KAZN: variants seen among roughly 807,000 people sequenced by gnomAD.
KAZN encodes kazrin.
A neutral mutation model predicts 87.4 loss-of-function variants in KAZN; 40 were observed. The observed-to-expected ratio is 0.46, with a 90% confidence interval of 0.36 to 0.60. KAZN has a LOEUF of 0.60. Ranked by LOEUF, KAZN falls within the 20% of genes least tolerant of loss-of-function variation. KAZN has a pLI of 0.00. For missense variants in KAZN, 898 were observed against 1,073.9 expected, an observed-to-expected ratio of 0.84 and a Z score of 2.29; for synonymous variants, 466 against 458.3, an observed-to-expected ratio of 1.02 and a Z score of -0.22.
chr1:13,955,481 G>A (rs940057835), intron 1 of KAZN, among the ~76,000 whole-genome samples: 1 of 151,516 alleles, frequency 6.6e-6, no homozygotes, highest in Non-Finnish European at 1.5e-5. Flanking sequence ...TGGTCTTTTG[G>A]GATTGTGATT....
At chr1:14,177,875 TGA>T (rs1646118251) in intron 1 of KAZN, among the ~76,000 whole-genome samples, 1 of 152,036 alleles carries the variant, frequency 6.6e-6, no homozygotes, top group African/African-American at 2.4e-5. Flanking sequence ...TACAGTTTAT[TGA>T]GATTCTTATA....
chr1:13,922,185 A>C (rs1640093681), intron 1 of KAZN, among the ~76,000 whole-genome samples: 1 of 152,144 alleles, frequency 6.6e-6, no homozygotes, highest in Non-Finnish European at 1.5e-5. Flanking sequence ...GGGAAAATCC[A>C]TGGCACCAAG....
rs1453764992 is a variant in KAZN, at chr1:14,257,800, G to A, written c.249+77208G>A. Among the ~76,000 whole-genome samples the A allele has an allele frequency of 3.0e-5, 3 of 98,938 alleles. 1 individual carries two copies. The highest frequency in any genetic ancestry group is 1.2e-4 in the African/African-American group (3 of 25,016). 64.9% of individuals were successfully genotyped at this position (98,938 alleles called of 152,430 possible). ...ACACTCTGGGGACTGTGGTGGGGTC[G>A]GGGGAGGGGGGAGGGATAGCATTGG... On this transcript the variant is annotated intron_variant, in intron 2 of 16. Coordinates refer to the KAZN transcript ENST00000636203.
chr1:14,623,075 A>C (rs1315342215), intron 1 of KAZN, among the ~76,000 whole-genome samples: 1 of 152,374 alleles, frequency 6.6e-6, no homozygotes, highest in East Asian at 1.9e-4. Context: ...ATCGTAAAAC[A>C]GAATGACCAC....
chr1:13,997,173 T>C lies in KAZN; in HGVS notation c.91+103417T>C, dbSNP rs77649701. On this transcript the variant is annotated intron_variant, in intron 1 of 16. Coordinates refer to the KAZN transcript ENST00000636203. ...ACAAACAGCAAAAACAACACCATCA[T>C]CAACAACAACAACAACAACAACCCC... Among the ~76,000 whole-genome samples, 1,220 of 151,364 alleles carry C rather than the reference T, an allele frequency of 8.1e-3. 82 individuals are homozygous for C. In the East Asian group the frequency reaches 0.14, roughly 18 times the overall value.
At chr1:14,441,031 A>G (rs1191813239) in intron 2 of KAZN, among the ~76,000 whole-genome samples, 1 of 152,150 alleles carries the variant, frequency 6.6e-6, no homozygotes, top group East Asian at 1.9e-4. Flanking sequence ...TTAGGATGTC[A>G]TGGCCTGTTT....
intron 2 of KAZN, among the ~76,000 whole-genome samples, chr1:15,030,022 A>C (rs1268392446): frequency 6.6e-6 from 1 of 152,090 alleles, no homozygotes; most frequent in East Asian, 1.9e-4. Context: ...ACCAGCCTGA[A>C]ACTGAGTCAG....
At chr1:14,739,555 A>G (rs1306336055) in intron 1 of KAZN, among the ~76,000 whole-genome samples, 1 of 152,102 alleles carries the variant, frequency 6.6e-6, no homozygotes, top group Non-Finnish European at 1.5e-5. Flanking sequence ...GGGAAATTCT[A>G]AGGAACCATT....
intron 2 of KAZN, among the ~76,000 whole-genome samples, chr1:14,196,365 G>T (rs1646526224): frequency 6.6e-6 from 1 of 152,178 alleles, no homozygotes; most frequent in Non-Finnish European, 1.5e-5. Context: ...GAAACTAGGT[G>T]ACCTATTAGG....
chr1:14,869,076 A>G (rs1350217825), intron 1 of KAZN, among the ~76,000 whole-genome samples: 2 of 152,046 alleles, frequency 1.3e-5, no homozygotes, highest in Non-Finnish European at 2.9e-5. Context: ...GCACCTTGGG[A>G]TGTGTCCTAG....
chr1:14,841,219 C>T (rs1290060326), intron 1 of KAZN, among the ~76,000 whole-genome samples: 1 of 151,686 alleles, frequency 6.6e-6, no homozygotes, highest in Non-Finnish European at 1.5e-5. Flanking sequence ...AGATCGAGAA[C>T]ACGTTGAAAC....
chr1:14,258,747 T>A (rs1650772204), intron 2 of KAZN, among the ~76,000 whole-genome samples: 1 of 152,196 alleles, frequency 6.6e-6, no homozygotes, highest in Non-Finnish European at 1.5e-5. Context: ...CTGCTACCTG[T>A]CTGTCAAGCC....
At chr1:14,867,610 A>G (rs1172764793) in intron 1 of KAZN, among the ~76,000 whole-genome samples, 1 of 152,092 alleles carries the variant, frequency 6.6e-6, no homozygotes, top group African/African-American at 2.4e-5. Flanking sequence ...TTGTCCGTAG[A>G]CTGATGTCAG....
chr1:14,975,042 G>A (rs560197590), intron 2 of KAZN, among the ~76,000 whole-genome samples: 1 of 152,252 alleles, frequency 6.6e-6, no homozygotes, highest in Non-Finnish European at 1.5e-5. Context: ...AGTCACATCA[G>A]TGGGGTGGCC....
intron 1 of KAZN, among the ~76,000 whole-genome samples, chr1:14,867,095 G>GTT (rs34573940): frequency 6.6e-6 from 1 of 152,036 alleles, no homozygotes; most frequent in African/African-American, 2.4e-5. Context: ...GTTCGGGCTC[G>GTT]TTTTTTCCAG....
At chr1:13,902,689 ATGGGAATGTTCC>A (rs1275163175) in intron 1 of KAZN, among the ~76,000 whole-genome samples, 9 of 152,192 alleles carry the variant, frequency 5.9e-5, no homozygotes, top group Admixed American at 5.9e-4. Context: ...GAGGAGAAGA[ATGGGAATGTTCC>A]TGGCATAAAG....
intron 1 of KAZN, among the ~76,000 whole-genome samples, chr1:14,850,777 G>GCTGCCACCTGCCTGAGGAAGGTGGCC (rs1285557506): frequency 1.3e-5 from 2 of 152,180 alleles, no homozygotes; most frequent in East Asian, 1.9e-4. Context: ...TAAGGGAGAG[G>GCTGCCACCTGCCTGAGGAAGGTGGCC]CTGCCACCTG....
intron 2 of KAZN, among the ~76,000 whole-genome samples, chr1:14,412,749 T>C (rs894126046): frequency 7.9e-5 from 12 of 151,656 alleles, no homozygotes; most frequent in African/African-American, 2.9e-4. Context: ...AATAGAATTA[T>C]AATAAAATAA....
intron 1 of KAZN, among the ~76,000 whole-genome samples, chr1:14,078,655 T>C (rs1454012998): frequency 6.6e-6 from 1 of 152,024 alleles, no homozygotes; most frequent in Non-Finnish European, 1.5e-5. Flanking sequence ...CCTCACAGGA[T>C]GGAAGGGGCA....
Sources: gnomAD v4.1 joint callset for allele counts (sites outside exome capture counted in the v4.1 genomes callset) on GRCh38, gnomAD v4.1.1 for gene constraint, MANE v1.5 for transcripts, NCBI Gene and HGNC (gene_info 2026-07-23, HGNC 2026-07-21) for gene names.